TTBK2: variants seen among roughly 807,000 people sequenced by gnomAD.
The protein encoded by TTBK2 is tau-tubulin kinase 2.
Under a neutral mutation model 110.8 loss-of-function variants are expected in TTBK2, and 28 were observed. The ratio of observed to expected loss-of-function variants is 0.25; its 90% confidence interval spans 0.19 to 0.35. The LOEUF (loss-of-function observed/expected upper bound fraction) is 0.35. Ranked by LOEUF, TTBK2 falls within the 10% of genes least tolerant of loss-of-function variation. The pLI is 1.00. For missense variants in TTBK2, 1,369 were observed against 1,500.3 expected, an observed-to-expected ratio of 0.91 and a Z score of 1.45; for synonymous variants, 532 against 527.3, an observed-to-expected ratio of 1.01 and a Z score of -0.12.
At chr15:42,810,811 C>T in intron 8 of TTBK2, 72 bp from the exon 9 acceptor site, 1 of 1,570,056 alleles carries the variant, frequency 6.4e-7, no homozygotes, top group Non-Finnish European at 8.7e-7. Flanking sequence ...CCCTCAGTAA[C>T]CGTCTCAAGG....
At chr15:42,860,597 C>A (rs1408812960) in intron 3 of TTBK2, among the ~76,000 whole-genome samples, 1 of 151,368 alleles carries the variant, frequency 6.6e-6, no homozygotes, top group Non-Finnish European at 1.5e-5. Flanking sequence ...AATAGTGAGA[C>A]CCCATCTCCA....
At chr15:42,768,338 T>C (rs1211259046) in intron 13 of TTBK2, among the ~76,000 whole-genome samples, 1 of 152,246 alleles carries the variant, frequency 6.6e-6, no homozygotes, top group Non-Finnish European at 1.5e-5. Context: ...TGTTTACAGA[T>C]GACATGATTG....
chr15:42,816,091 T>C (rs1015464928), intron 7 of TTBK2, among the ~76,000 whole-genome samples: 1 of 103,860 alleles, frequency 9.6e-6, no homozygotes, highest in Non-Finnish European at 1.8e-5. Flanking sequence ...AATAAATATA[T>C]ATATATATAT....
chr15:42,773,180 G>A (rs186159929), intron 13 of TTBK2, among the ~76,000 whole-genome samples: 158 of 152,236 alleles, frequency 1.0e-3, no homozygotes, highest in African/African-American at 3.7e-3. Context: ...TACAGCCTGG[G>A]TGACTGAGGA....
At chr15:42,746,399 T>C (rs1225683440) in intron 14 of TTBK2, 142 bp from the exon 15 acceptor site, 2 of 670,602 alleles carry the variant, frequency 3.0e-6, no homozygotes, top group East Asian at 5.6e-5. Context: ...TGTCATATAC[T>C]AGTTGTATGA....
rs2140546039 is a variant in TTBK2, at chr15:42,744,507, C to G, written c.*1288G>C. 1 of 152,096 alleles carries G rather than the reference C, an allele frequency of 6.6e-6. No homozygotes were observed. Among genetic ancestry groups the G allele is most frequent in the Middle Eastern group, 3.4e-3 (1 of 294 alleles). The allele number at this position is 152,096 out of a possible 1,614,324, so 9.4% of individuals were successfully genotyped here. A position where few individuals can be genotyped will look rare whatever the true frequency, so the allele number is the denominator to read the frequency against. ...AACACCTAGAGAGTATAAAAACAGC[C>G]CATTTTAAAAGTCTGGTAGACTTTC... On this transcript the variant is annotated 3_prime_UTR_variant, in exon 15 of 15. Transcript: ENST00000267890.
chr15:42,750,154 T>C (rs1319579780), intron 14 of TTBK2, among the ~76,000 whole-genome samples: 1 of 151,658 alleles, frequency 6.6e-6, no homozygotes, highest in Admixed American at 6.6e-5. Context: ...ATTTTCAGAG[T>C]TACCACATTA....
chr15:42,882,163 T>C (rs1460460556), intron 1 of TTBK2, among the ~76,000 whole-genome samples: 2 of 151,758 alleles, frequency 1.3e-5, no homozygotes, highest in African/African-American at 4.8e-5. Flanking sequence ...ACTTCACAAA[T>C]TTTGTGAAGG....
intron 1 of TTBK2, among the ~76,000 whole-genome samples, chr15:42,904,734 A>G (rs2030277531): frequency 6.6e-6 from 1 of 152,226 alleles, no homozygotes; most frequent in Admixed American, 6.5e-5. Context: ...AATCACCTAG[A>G]TTATAAACTC....
intron 9 of TTBK2, among the ~76,000 whole-genome samples, chr15:42,804,766 A>G (rs1891385983): frequency 6.6e-6 from 1 of 152,218 alleles, no homozygotes; most frequent in African/African-American, 2.4e-5. Context: ...CCTCAGATGA[A>G]TGTGGATAAA....
chr15:42,886,753 C>T (rs2141153757), intron 1 of TTBK2, among the ~76,000 whole-genome samples: 1 of 152,360 alleles, frequency 6.6e-6, no homozygotes, highest in East Asian at 1.9e-4. Flanking sequence ...GCCTAAGCCA[C>T]AGCGGTCAGG....
chr15:42,886,907 C>A (rs1007222733), intron 1 of TTBK2, among the ~76,000 whole-genome samples: 2 of 152,344 alleles, frequency 1.3e-5, no homozygotes, highest in South Asian at 4.1e-4. Context: ...GACTGTCCAA[C>A]TGGCCCAAGG....
intron 9 of TTBK2, among the ~76,000 whole-genome samples, chr15:42,807,896 T>C (rs1240901056): frequency 6.6e-6 from 1 of 152,232 alleles, no homozygotes; most frequent in Non-Finnish European, 1.5e-5. Flanking sequence ...ATTTTTCTTG[T>C]ATTCTCTGTG....
rs2061890645 is a variant in TTBK2 at position 42,753,004 on chromosome 15, T to C, written c.2242A>G (p.Ser748Gly). The change falls in exon 14 of 15, where the codon AGT becomes GGT. Residue 748 changes from serine to glycine, a missense_variant. Ser to Gly is a moderately conservative substitution (Grantham distance 56). Coordinates refer to ENST00000267890, the MANE Select transcript of TTBK2 (RefSeq NM_173500.4). The part of the protein sequence containing the change: ...GHDMLPNIRE[S>G]NKSQDLGPKE... ...GGTCCCAGGTCTTGAGATTTGTTAC[T>C]TTCTCTAATGTTGGGTAACATGTCA... 6.2e-7 allele frequency: 1 copy of C among 1,614,200 alleles called. No homozygotes were observed. Among genetic ancestry groups the C allele is most frequent in the Admixed American group, 1.7e-5 (1 of 60,018 alleles).
chr15:42,808,127 G>A (rs762235853), intron 9 of TTBK2, among the ~76,000 whole-genome samples: 7 of 152,002 alleles, frequency 4.6e-5, no homozygotes, highest in Non-Finnish European at 8.8e-5. Context: ...AGCAAATTTC[G>A]ACCTTTACTG....
chr15:42,798,424 A>T (rs1157741964), intron 9 of TTBK2, among the ~76,000 whole-genome samples: 3 of 152,216 alleles, frequency 2.0e-5, no homozygotes, highest in Non-Finnish European at 2.9e-5. Flanking sequence ...ATTCTTAGAA[A>T]ATACAAATTC....
chr15:42,768,780 C>T (rs1373807445), intron 13 of TTBK2, among the ~76,000 whole-genome samples: 1 of 152,056 alleles, frequency 6.6e-6, no homozygotes, highest in African/African-American at 2.4e-5. Context: ...CATATGGAAC[C>T]AAAAAAGAGC....
chr15:42,840,412 A>T lies in TTBK2; in HGVS notation c.239T>A (p.Phe80Tyr), dbSNP rs778218227. 2 of 1,614,022 alleles carry T rather than the reference A, an allele frequency of 1.2e-6. No individual in the cohort carries two copies. The highest frequency in any genetic ancestry group is 1.1e-5 in the South Asian group (1 of 91,082). The stretch of plus-strand genomic sequence containing the variant: ...TCGATCATTCCTCCCACAGCCAATA[A>T]ATCTACAAACATGGTCTTTCCCTGG... ...KLQGKDHVCR[F>Y]IGCGRNDRFN... The change falls in exon 4 of 15, where the codon TTT (phenylalanine) becomes TAT (tyrosine). Residue 80 changes from phenylalanine to tyrosine, a missense_variant. Physicochemically the swap from Phe to Tyr is conservative, Grantham distance 22. Transcript: ENST00000267890.
chr15:42,833,247 TA>T (rs35997543), intron 4 of TTBK2, among the ~76,000 whole-genome samples: 1,221 of 74,862 alleles, frequency 0.016, 7 homozygotes, highest in African/African-American at 0.053. Flanking sequence ...CCAAATTTTG[TA>T]AAAAAAAAAA....
Sources: gnomAD v4.1 joint callset for allele counts (sites outside exome capture counted in the v4.1 genomes callset) on GRCh38, gnomAD v4.1.1 for gene constraint, MANE v1.5 for transcripts, NCBI Gene and HGNC (gene_info 2026-07-23, HGNC 2026-07-21) for gene names.